Variants in PRKAG2 observed in about 807,000 individuals in gnomAD.
The protein encoded by PRKAG2 is protein kinase AMP-activated non-catalytic subunit gamma 2, also known as 5'-AMP-activated protein kinase subunit gamma-2.
Under a neutral mutation model 69.6 loss-of-function variants are expected in PRKAG2, and 26 were observed. The ratio of observed to expected loss-of-function variants is 0.37; its 90% CI spans 0.27 to 0.52. The LOEUF is 0.52. Ranked by LOEUF, PRKAG2 falls within the 20% of genes least tolerant of loss-of-function variation. PRKAG2 has a pLI of 0.90. For missense variants in PRKAG2, 557 were observed against 740.0 expected (o/e 0.75, Z 2.87); for synonymous variants, 293 against 285.0 (o/e 1.03, Z -0.28).
In PRKAG2 at chr7:151,852,237, G is replaced by A. The variant is rs756467209; in HGVS notation, c.114+24270C>T. Among the ~76,000 whole-genome samples the A allele has an allele frequency of 2.0e-5, 3 of 152,148 alleles. No individual in the cohort carries two copies. The East Asian group carries it at 5.8e-4, about 29-fold the overall frequency. ...AAGCCCTGGCGGGGCACAGAAACTC[G>A]TGCCTGTAATCCCAGCACTTTGGGA... is the stretch of plus-strand genomic sequence containing the variant. On this transcript the variant is annotated intron_variant, in intron 1 of 15. Transcript: ENST00000287878.
chr7:151,745,494 T>A (rs1452009337), intron 3 of PRKAG2, among the ~76,000 whole-genome samples: 1 of 152,098 alleles, frequency 6.6e-6, no homozygotes, highest in Non-Finnish European at 1.5e-5. Context: ...ACGCCTCTGT[T>A]CCACGTCAGC....
intron 3 of PRKAG2, among the ~76,000 whole-genome samples, chr7:151,694,724 T>C (rs774962143): frequency 1.8e-4 from 28 of 152,254 alleles, no homozygotes; most frequent in Non-Finnish European, 3.4e-4. Context: ...ATCGCTTTGC[T>C]ATTGCTCTGT....
At position 151,556,372 on chromosome 7, in the gene PRKAG2, T is replaced by C. The variant is rs1021425189; in HGVS notation, c.*829A>G. ...ACATTTCAATACACAAGAAAAAAAA[T>C]AGACATCTTCCCGGCACTTGGCTCC... On this transcript the variant is annotated 3_prime_UTR_variant, in exon 16 of 16. Transcript: ENST00000287878. 3 of 152,588 alleles carry C rather than the reference T, an allele frequency of 2.0e-5. No homozygotes were observed. Among genetic ancestry groups the C allele is most frequent in the East Asian group, 3.9e-4 (2 of 5,184 alleles). 9.5% of individuals were successfully genotyped at this position (152,588 alleles called of 1,614,324 possible). A position where few individuals can be genotyped will look rare whatever the true frequency, so the allele number is the denominator to read the frequency against.
intron 1 of PRKAG2, among the ~76,000 whole-genome samples, chr7:151,799,917 A>G (rs189372218): frequency 2.6e-5 from 4 of 152,274 alleles, no homozygotes; most frequent in Admixed American, 2.6e-4. Flanking sequence ...AACACTCACA[A>G]CAACCACACT....
At chr7:151,631,564 C>T in intron 5 of PRKAG2, 1 of 409,900 alleles carries the variant, frequency 2.4e-6, no homozygotes, top group East Asian at 7.8e-5. Context: ...GTCGCCTGAA[C>T]TCAACACCGA....
chr7:151,643,449 T>C (rs1203485117), intron 4 of PRKAG2, among the ~76,000 whole-genome samples: 1 of 152,246 alleles, frequency 6.6e-6, no homozygotes, highest in East Asian at 1.9e-4. Context: ...TTAACTGTTT[T>C]TCAGCCCCTT....
At chr7:151,667,701 C>T (rs1831253646) in intron 4 of PRKAG2, among the ~76,000 whole-genome samples, 1 of 152,172 alleles carries the variant, frequency 6.6e-6, no homozygotes, top group African/African-American at 2.4e-5. Flanking sequence ...CTCTTGGAAC[C>T]CTGTCACAGG....
chr7:151,829,553 CA>C (rs1349998498), intron 1 of PRKAG2, among the ~76,000 whole-genome samples: 1 of 151,924 alleles, frequency 6.6e-6, no homozygotes, highest in Non-Finnish European at 1.5e-5. Context: ...AACGTATTTC[CA>C]TACAGAAATT....
intron 3 of PRKAG2, among the ~76,000 whole-genome samples, chr7:151,708,495 C>A (rs1047385606): frequency 1.3e-5 from 2 of 152,202 alleles, no homozygotes; most frequent in African/African-American, 4.8e-5. Flanking sequence ...CACTCTACAG[C>A]CTTCTCTGTT....
intron 8 of PRKAG2, among the ~76,000 whole-genome samples, 199 bp downstream of exon 8, chr7:151,574,692 T>C (rs1302838804): frequency 6.6e-6 from 1 of 152,220 alleles, no homozygotes; most frequent in Non-Finnish European, 1.5e-5. Flanking sequence ...TTGAGTTTCA[T>C]ACATATAACT....
chr7:151,566,325 T>C (rs1466071902), intron 11 of PRKAG2, among the ~76,000 whole-genome samples: 1 of 152,184 alleles, frequency 6.6e-6, no homozygotes, highest in Non-Finnish European at 1.5e-5. Context: ...CCAAAGCATT[T>C]GACGGCAGCT....
intron 1 of PRKAG2, among the ~76,000 whole-genome samples, chr7:151,813,574 G>T (rs1325372679): frequency 1.3e-5 from 2 of 151,918 alleles, no homozygotes; most frequent in African/African-American, 4.8e-5. Flanking sequence ...TGCTGGGTGA[G>T]CTCCGAATCT....
intron 4 of PRKAG2, among the ~76,000 whole-genome samples, chr7:151,633,806 A>G (rs1218265118): frequency 1.3e-5 from 2 of 152,308 alleles, no homozygotes; most frequent in African/African-American, 2.4e-5. Context: ...AAAAATGACA[A>G]TTCTCCCCCA....
At chr7:151,715,017 ATT>A (rs111586277) in intron 3 of PRKAG2, among the ~76,000 whole-genome samples, 49 of 142,878 alleles carry the variant, frequency 3.4e-4, no homozygotes, top group Middle Eastern at 3.4e-3. Context: ...ATTAAAAGCA[ATT>A]TTTTTTTTTT....
chr7:151,855,576 C>CTCCACACACACCACTT (rs1563757918), intron 1 of PRKAG2, among the ~76,000 whole-genome samples: 2 of 127,592 alleles, frequency 1.6e-5, no homozygotes, highest in South Asian at 2.5e-4. Flanking sequence ...ACACACCACC[C>CTCCACACACACCACTT]TACACACACA....
At chr7:151,825,414 T>C (rs2078884725) in intron 1 of PRKAG2, among the ~76,000 whole-genome samples, 1 of 152,196 alleles carries the variant, frequency 6.6e-6, no homozygotes, top group Admixed American at 6.5e-5. Context: ...AATGATACCT[T>C]AAAATGATGT....
chr7:151,710,129 C>G (rs1795044072), intron 3 of PRKAG2, among the ~76,000 whole-genome samples: 1 of 152,146 alleles, frequency 6.6e-6, no homozygotes, highest in East Asian at 1.9e-4. Context: ...AAGGGCCGGC[C>G]TTTGGGAGCC....
At chr7:151,873,611 T>C (rs907851835) in intron 1 of PRKAG2, among the ~76,000 whole-genome samples, 1 of 152,120 alleles carries the variant, frequency 6.6e-6, no homozygotes, top group Non-Finnish European at 1.5e-5. Context: ...CCTCAGCCAC[T>C]GTGGAATAAC....
intron 6 of PRKAG2, among the ~76,000 whole-genome samples, chr7:151,578,070 G>A (rs548857271): frequency 6.6e-6 from 1 of 151,242 alleles, no homozygotes; most frequent in Admixed American, 6.6e-5. Flanking sequence ...GCTGGGCACA[G>A]TGGCCCACGC....
Sources: gnomAD v4.1 joint callset for allele counts (sites outside exome capture counted in the v4.1 genomes callset) on GRCh38, gnomAD v4.1.1 for gene constraint, MANE v1.5 for transcripts, NCBI Gene and HGNC (gene_info 2026-07-23, HGNC 2026-07-21) for gene names.